ANHX: variants seen among roughly 807,000 people sequenced by gnomAD.
ANHX encodes the protein anomalous homeobox, also known as anomalous homeobox protein.
ANHX carries 20 observed loss-of-function variants against 38.9 expected under a neutral mutation model. The ratio of observed to expected loss-of-function variants is 0.51; its 90% CI spans 0.36 to 0.75. The LOEUF (loss-of-function observed/expected upper bound fraction) is 0.75, where lower values mean the gene tolerates loss of function less well. Ranked by LOEUF, ANHX falls within the 30% of genes least tolerant of loss-of-function variation. The pLI is 0.00. For synonymous variants in ANHX, 185 were observed against 203.1 expected (o/e 0.91, Z 0.76); for missense variants, 475 against 493.1 (o/e 0.96, Z 0.35).
chr12:133,228,089 T>G, intron 3 of ANHX, 142 bp from the exon 4 acceptor site: 3 of 970,798 alleles, frequency 3.1e-6, no homozygotes, highest in Non-Finnish European at 4.5e-6. Flanking sequence ...CTCCAGTTAG[T>G]GAAAACTAGA....
At chr12:133,227,265 C>T (rs1320204759) in intron 4 of ANHX, 113 bp from the exon 5 acceptor site, 5 of 1,168,238 alleles carry the variant, frequency 4.3e-6, no homozygotes, top group African/African-American at 1.5e-5. Context: ...ACAGCCCAGC[C>T]TAACCTCTCC....
In ANHX at chr12:133,226,999, G is replaced by A. The variant is rs773341876; in HGVS notation, c.655C>T (p.Leu219Phe). Reference protein sequence around the residue: ...DPGARERGPDLLQPSGNPRVD... With the variant: ...DPGARERGPDFLQPSGNPRVD... ...CGGGGGTTGCCTGAGGGCTGCAGGA[G>A]GTCAGGACCCCTCTCCCTCGCACCA... Residue 219 changes from leucine (L) to phenylalanine (F), a missense_variant, in exon 5 of 10, where the codon CTC becomes TTC. Transcript: ENST00000545940. 2 of 1,535,448 alleles carry A rather than the reference G, an allele frequency of 1.3e-6. No homozygotes were observed. The highest frequency in any genetic ancestry group is 2.4e-5 in the South Asian group (2 of 84,020).
chr12:133,229,686 C>G (rs1163254034), intron 3 of ANHX, among the ~76,000 whole-genome samples: 1 of 152,196 alleles, frequency 6.6e-6, no homozygotes, highest in Non-Finnish European at 1.5e-5. Context: ...GTATCTGCAT[C>G]TTCTGTGACT....
At chr12:133,219,120 A>G in intron 9 of ANHX, 149 bp from the exon 10 acceptor site, 1 of 1,010,488 alleles carries the variant, frequency 9.9e-7, no homozygotes, top group Non-Finnish European at 1.5e-6. Flanking sequence ...CCCTCACCCC[A>G]GCTCCCAGTC....
Position 133,225,614 on chromosome 12 carries a change from C to G in ANHX, c.1054G>C (p.Gly352Arg), listed in dbSNP as rs1593962675. ...GCAGGGCCCATCATGAAGTCCAGCC[C>G]ATGGCTGTGGACCAGCTGCCCAGTC... Reference protein sequence around the residue: ...FQTGQLVHSHGLDFMMGPADT... With the variant: ...FQTGQLVHSHRLDFMMGPADT... The change falls in exon 7 of 10, where the codon GGG (glycine) becomes CGG (arginine). Residue 352 changes from glycine (G) to arginine (R), a missense_variant. By Grantham distance (125) the Gly-to-Arg change is moderately radical. Coordinates refer to ENST00000545940, the MANE Select transcript of ANHX (RefSeq NM_001372060.1). 6.6e-6 allele frequency among the ~76,000 whole-genome samples: 1 copy of G among 152,346 alleles called. No homozygotes were observed. Among genetic ancestry groups the G allele is most frequent in the East Asian group, 1.9e-4 (1 of 5,184 alleles).
At position 133,226,318 on chromosome 12, in the gene ANHX, C is replaced by T; in HGVS notation, c.839G>A (p.Arg280Lys). Reference sequence around the variant, plus strand: ...TCCATGGCCATGGAGATGACAGTACCTGACATCCAGTGGCTTTGAGACTGT... The same window carrying T: ...TCCATGGCCATGGAGATGACAGTACTTGACATCCAGTGGCTTTGAGACTGT... ...DETVSKPLDVRSLPGGEMYQE... is the reference protein window; with the variant it reads ...DETVSKPLDVKSLPGGEMYQE... The change falls in exon 6 of 10, where the codon AGG becomes AAG. Residue 280 changes from arginine to lysine, a missense_variant and splice_region_variant. Arg to Lys is a conservative substitution (Grantham distance 26). Transcript: ENST00000545940. 6.5e-7 allele frequency: 1 copy of T among 1,536,228 alleles called. No individual in the cohort carries two copies. Among genetic ancestry groups the T allele is most frequent in the South Asian group, 1.2e-5 (1 of 84,064 alleles).
intron 5 of ANHX, among the ~76,000 whole-genome samples, 183 bp from the exon 6 acceptor site, chr12:133,226,621 C>T (rs1433519185): frequency 6.6e-6 from 1 of 152,242 alleles, no homozygotes; most frequent in Non-Finnish European, 1.5e-5. Context: ...CCAGGACACC[C>T]CAAATCCCGG....
rs1190417433 is a variant in ANHX at position 133,218,918 on chromosome 12, C to T, written c.1419G>A (p.Met473Ile). The change falls in exon 10 of 10, where the codon ATG becomes ATA. Residue 473 changes from methionine (M) to isoleucine (I), a missense_variant. By Grantham distance (10) the Met-to-Ile change is conservative. Coordinates refer to ENST00000545940, the MANE Select transcript of ANHX (RefSeq NM_001372060.1). Reference sequence around the variant, plus strand: ...GGCTGCTCCCTGAAAACTCAAGGAGCATCCTGGCTCCCCAGAAGGCATCAC... The same window carrying T: ...GGCTGCTCCCTGAAAACTCAAGGAGTATCCTGGCTCCCCAGAAGGCATCAC... ...ASGDAFWGARMLLEFSGSSLG is the reference protein window; with the variant it reads ...ASGDAFWGARILLEFSGSSLG The T allele has an allele frequency of 1.3e-6, 2 of 1,533,044 alleles. No individual in the cohort carries two copies. 95.0% of individuals were successfully genotyped at this position (1,533,044 alleles called of 1,614,324 possible). A position where few individuals can be genotyped will look rare whatever the true frequency, so the allele number is the denominator to read the frequency against.
chr12:133,221,431 G>T lies in ANHX; in HGVS notation c.1133-79C>A. 1 of 1,445,950 alleles carries T rather than the reference G, an allele frequency of 6.9e-7. No homozygotes were observed. The highest frequency in any genetic ancestry group is 9.1e-7 in the Non-Finnish European group (1 of 1,095,112). The allele number at this position is 1,445,950 out of a possible 1,614,324, so 89.6% of individuals were successfully genotyped here. A position where few individuals can be genotyped will look rare whatever the true frequency, so the allele number is the denominator to read the frequency against. Reference sequence around the variant, plus strand: ...CGTGTGACACAACCAAGACCTCAAAGCACGGAGGCGGATGCAGCCTCCGGC... The same window carrying T: ...CGTGTGACACAACCAAGACCTCAAATCACGGAGGCGGATGCAGCCTCCGGC... On this transcript the variant is annotated intron_variant, in intron 7 of 9. Coordinates refer to ENST00000545940, the MANE Select transcript of ANHX (RefSeq NM_001372060.1). This position sits in a 1 kb window ranked among gnomAD's most constrained non-coding sequence, Gnocchi z 4.1.
rs1323404071 is a variant in ANHX, at chr12:133,234,341, T to C, written c.16A>G (p.Thr6Ala). The C allele has an allele frequency of 3.9e-6, 6 of 1,535,430 alleles. No individual in the cohort carries two copies. Among genetic ancestry groups the C allele is most frequent in the Non-Finnish European group, 5.2e-6 (6 of 1,146,578 alleles). The change falls in exon 2 of 10, where the codon ACT becomes GCT. Residue 6 changes from threonine to alanine, a missense_variant. Thr to Ala is a moderately conservative substitution (Grantham distance 58, BLOSUM62 0). Transcript: ENST00000545940. ...GTGTCCTCATGCTCCTTCAGCAGAG[T>C]CAGGAAGCTCTGCATCCTGTGCTGG... Reference protein sequence around the residue: MQSFLTLLKEHEDTCA... With the variant: MQSFLALLKEHEDTCA...
intron 1 of ANHX, 99 bp from the exon 2 acceptor site, chr12:133,234,477 C>G (rs902520939): frequency 2.9e-6 from 4 of 1,369,272 alleles, no homozygotes; most frequent in African/African-American, 2.9e-5. Flanking sequence ...ATGCACGGCT[C>G]TTGTGCCGTG....
rs997860565 is a variant in ANHX, at chr12:133,225,832, G to A, written c.840-4C>T. On this transcript the variant is annotated splice_polypyrimidine_tract_variant and splice_region_variant and intron_variant, in intron 6 of 9. Transcript: ENST00000545940. ...CATCTCGCCACCTGGCAGAGACCTG[G>A]GGGACATGGAGAACACTGTCTCTTG... Among the ~76,000 whole-genome samples the A allele has an allele frequency of 6.6e-6, 1 of 152,186 alleles. No homozygotes were observed. Among genetic ancestry groups the A allele is most frequent in the African/African-American group, 2.4e-5 (1 of 41,438 alleles).
chr12:133,232,897 A>G (rs1257228071), intron 2 of ANHX, among the ~76,000 whole-genome samples: 1 of 152,176 alleles, frequency 6.6e-6, no homozygotes, highest in Admixed American at 6.5e-5. Context: ...ATGGACCTTC[A>G]GTGTAGTAAG....
intron 7 of ANHX, among the ~76,000 whole-genome samples, chr12:133,224,635 G>A (rs1389246397): frequency 2.5e-5 from 3 of 119,224 alleles, no homozygotes; most frequent in Non-Finnish European, 5.0e-5. Context: ...TGCACTCTAG[G>A]CTGGGTGACA....
chr12:133,228,115 A>T (rs534423438), intron 3 of ANHX, among the ~76,000 whole-genome samples, 168 bp from the exon 4 acceptor site: 1 of 152,236 alleles, frequency 6.6e-6, no homozygotes, highest in East Asian at 1.9e-4. Flanking sequence ...TTCCACAGAC[A>T]TGCACAAACC....
intron 5 of ANHX, 77 bp from the exon 6 acceptor site, chr12:133,226,515 C>T: frequency 3.4e-6 from 5 of 1,453,432 alleles, no homozygotes; most frequent in Non-Finnish European, 4.5e-6. Context: ...TATGAGCAGC[C>T]CTGCTGGCTG....
chr12:133,223,261 C>T (rs555860212), intron 7 of ANHX, among the ~76,000 whole-genome samples: 41 of 151,462 alleles, frequency 2.7e-4, no homozygotes, highest in South Asian at 4.2e-4. Flanking sequence ...ATACCCAAAA[C>T]GCACATCAAT....
chr12:133,235,780 G>T (rs1957371376), intron 1 of ANHX, 27 bp downstream of exon 1: 1 of 105,246 alleles, frequency 9.5e-6, no homozygotes, highest in African/African-American at 3.8e-5. Context: ...TCATCCTCCC[G>T]GACCCCCCTG....
chr12:133,232,224 C>T (rs1278282068), intron 2 of ANHX, among the ~76,000 whole-genome samples: 3 of 152,240 alleles, frequency 2.0e-5, no homozygotes, highest in Non-Finnish European at 2.9e-5. Context: ...GTGGCCAGTA[C>T]ACCCATCCAC....
Sources: gnomAD v4.1 joint callset for allele counts (sites outside exome capture counted in the v4.1 genomes callset) on GRCh38, gnomAD v4.1.1 for gene constraint, Gnocchi (gnomAD v3.1) non-coding constraint, MANE v1.5 for transcripts, NCBI Gene and HGNC (gene_info 2026-07-23, HGNC 2026-07-21) for gene names.